Variants in KMT2A observed in about 807,000 individuals in gnomAD.
The protein encoded by KMT2A is histone-lysine N-methyltransferase 2A.
Under a neutral mutation model 345.3 loss-of-function variants are expected in KMT2A, and 16 were observed. The observed-to-expected ratio is 0.05, with a 90% CI of 0.03 to 0.07. The LOEUF (loss-of-function observed/expected upper bound fraction) is 0.07, where lower values mean the gene tolerates loss of function less well. Ranked by LOEUF, KMT2A falls within the 10% of genes least tolerant of loss-of-function variation. The probability of loss-of-function intolerance (pLI) is 1.00; values close to 1 mark genes in which losing one functional copy is unlikely to be tolerated. For synonymous variants in KMT2A, 1,599 were observed against 1,778.6 expected (o/e 0.90, Z 2.54); for missense variants, 3,272 against 4,841.6 (o/e 0.68, Z 9.62).
intron 6 of KMT2A, among the ~76,000 whole-genome samples, chr11:118,481,397 T>C (rs181076880): frequency 6.6e-6 from 1 of 152,346 alleles, no homozygotes; most frequent in East Asian, 1.9e-4. Flanking sequence ...TAATGTCCTC[T>C]AGTTCCATCC....
chr11:118,465,951 T>C (rs1555034020), intron 1 of KMT2A, among the ~76,000 whole-genome samples: 1 of 152,228 alleles, frequency 6.6e-6, no homozygotes, highest in African/African-American at 2.4e-5. Context: ...AGCCTACAAG[T>C]GTAAACCCTG....
Position 118,482,752 on chromosome 11 carries a change from CA to C in KMT2A, c.4086+271del, listed in dbSNP as rs59972810. Among the ~76,000 whole-genome samples the C allele has an allele frequency of 0.1, 11,859 of 115,216 alleles. 646 individuals carry two copies. The highest frequency in any genetic ancestry group is 0.18 in the African/African-American group (5,834 of 32,174). The allele number at this position is 115,216 out of a possible 152,430, so 75.6% of individuals were successfully genotyped here. On this transcript the variant is annotated intron_variant, in intron 8 of 35. Coordinates refer to ENST00000534358, the MANE Select transcript of KMT2A (RefSeq NM_001197104.2). ...TAGCAAGACCCTGTCTTTATTTAAA[CA>C]AAAAAAAAAAAAAGAAGAAGAAGAA... is the stretch of plus-strand genomic sequence containing the variant.
chr11:118,476,758 T>A lies in KMT2A; in HGVS notation c.3157-47T>A, dbSNP rs782678769. 1.3e-6 allele frequency: 2 copies of A among 1,526,196 alleles called. No homozygotes were observed. The highest frequency in any genetic ancestry group is 1.8e-6 in the Non-Finnish European group (2 of 1,118,456). The allele number at this position is 1,526,196 out of a possible 1,614,324, so 94.5% of individuals were successfully genotyped here. A position where few individuals can be genotyped will look rare whatever the true frequency, so the allele number is the denominator to read the frequency against. ...ATACCTTGGCTTCGTTCAGTTATAA[T>A]TTCAACATGTATGGTTGTTATTGTT... On this transcript the variant is annotated intron_variant, in intron 3 of 35. Coordinates refer to ENST00000534358, the MANE Select transcript of KMT2A (RefSeq NM_001197104.2). The surrounding 1 kb of genome is among the most constrained non-coding windows in gnomAD (Gnocchi z 4.1).
chr11:118,463,365 T>C (rs1298941935), intron 1 of KMT2A, among the ~76,000 whole-genome samples: 18 of 152,226 alleles, frequency 1.2e-4, no homozygotes, highest in Admixed American at 1.2e-3. Context: ...ATTTGGAACA[T>C]AAAATGCGTG....
chr11:118,514,924 C>T (rs782238472), intron 31 of KMT2A, among the ~76,000 whole-genome samples: 15 of 151,466 alleles, frequency 9.9e-5, no homozygotes, highest in African/African-American at 1.5e-4. Flanking sequence ...TGAGCCACCA[C>T]GCCCGGCCTA....
chr11:118,495,622 A>G lies in KMT2A; in HGVS notation c.5364-78A>G, dbSNP rs1383985704. The G allele has an allele frequency of 8.9e-7, 1 of 1,117,940 alleles. No individual in the cohort carries two copies. The highest frequency in any genetic ancestry group is 1.3e-6 in the Non-Finnish European group (1 of 797,428). The allele number at this position is 1,117,940 out of a possible 1,614,324, so 69.3% of individuals were successfully genotyped here. On this transcript the variant is annotated intron_variant, in intron 18 of 35. Coordinates refer to ENST00000534358, the MANE Select transcript of KMT2A (RefSeq NM_001197104.2). The surrounding 1 kb of genome is among the most constrained non-coding windows in gnomAD (Gnocchi z 4.1). ...TGGCTCCTACATGGGGCAACAGGTG[A>G]TATCAAGAATTTATTTTATACAGTT...
chr11:118,498,444 C>T lies in KMT2A; in HGVS notation c.5877C>T (p.Phe1959=), dbSNP rs2134366964. The change falls in exon 22 of 36, where the codon TTC becomes TTT. Residue 1959 remains phenylalanine, a synonymous_variant. Coordinates refer to ENST00000534358, the MANE Select transcript of KMT2A (RefSeq NM_001197104.2). This position sits in a 1 kb window ranked among gnomAD's most constrained non-coding sequence, Gnocchi z 4.4. ...CLTSCTSNYH[F]MCSRAKNCVF... is the part of the protein sequence containing the mutation. ...CATCCTGCACCAGCAACTATCACTT[C>T]ATGTGTTCCCGAGCCAAGAACTGTG... is the stretch of plus-strand genomic sequence containing the variant. The T allele has an allele frequency of 6.2e-7, 1 of 1,613,588 alleles. No individual in the cohort carries two copies. Among genetic ancestry groups the T allele is most frequent in the Non-Finnish European group, 8.5e-7 (1 of 1,179,970 alleles).
chr11:118,507,810 A>G (rs1197961235), intron 28 of KMT2A: 1 of 490,826 alleles, frequency 2.0e-6, no homozygotes, highest in Non-Finnish European at 3.7e-6. Flanking sequence ...AAATACAAAA[A>G]GAATTAGCCG....
Position 118,506,664 on chromosome 11 carries a change from T to C in KMT2A, c.10754+18T>C, listed in dbSNP as rs1481463796. 1.3e-6 allele frequency: 2 copies of C among 1,562,408 alleles called. No individual in the cohort carries two copies. Among genetic ancestry groups the C allele is most frequent in the Admixed American group, 1.9e-5 (1 of 53,852 alleles). ...GGCACAGGGTGAGAGATCCAAATAC[T>C]AGCTAGGCTGGGTCTGTGGGATTTC... On this transcript the variant is annotated intron_variant, in intron 27 of 35. Transcript: ENST00000534358.
chr11:118,468,220 A>T (rs1949881714), intron 1 of KMT2A, among the ~76,000 whole-genome samples: 1 of 152,180 alleles, frequency 6.6e-6, no homozygotes, highest in African/African-American at 2.4e-5. Flanking sequence ...CATAAAATGC[A>T]TGTTGAGACT....
chr11:118,499,441 T>C lies in KMT2A; in HGVS notation c.6079+21T>C, dbSNP rs782567761. The C allele has an allele frequency of 1.6e-5, 23 of 1,409,098 alleles. No homozygotes were observed. In the South Asian group the frequency reaches 2.5e-4, roughly 15 times the overall value. 87.3% of individuals were successfully genotyped at this position (1,409,098 alleles called of 1,614,324 possible). Reference sequence around the variant, plus strand: ...GATTGGTATGACCTAGCCTTGGTTATTGGGGAAGGCTGTATATATCATTGG... The same window carrying C: ...GATTGGTATGACCTAGCCTTGGTTACTGGGGAAGGCTGTATATATCATTGG... On this transcript the variant is annotated intron_variant, in intron 23 of 35. Transcript: ENST00000534358.
chr11:118,471,850 G>A lies in KMT2A; in HGVS notation c.691G>A (p.Val231Ile). The A allele has an allele frequency of 1.2e-6, 2 of 1,612,156 alleles. No homozygotes were observed. The highest frequency in any genetic ancestry group is 1.7e-6 in the Non-Finnish European group (2 of 1,179,520). Reference sequence around the variant, plus strand: ...AGGAAGACCTCCCACCTTCCCTGGAGTAAAAATCAAAATAACACATGGAAA... The same window carrying A: ...AGGAAGACCTCCCACCTTCCCTGGAATAAAAATCAAAATAACACATGGAAA... ...KRGRPPTFPG[V>I]KIKITHGKDI... Residue 231 changes from valine to isoleucine, a missense_variant, in exon 3 of 36, where the codon GTA becomes ATA. Transcript: ENST00000534358.
chr11:118,484,358 CTT>C lies in KMT2A; in HGVS notation c.4218+46_4218+47del, dbSNP rs782099153. 5 of 1,595,392 alleles carry C rather than the reference CTT, an allele frequency of 3.1e-6. No individual in the cohort carries two copies. The East Asian group carries it at 1.1e-4, about 36-fold the overall frequency. ...CATAAAGTATATTGAGTGTCAAAGA[CTT>C]TAAATAAAGAAAATGCTACTACCAA... On this transcript the variant is annotated intron_variant, in intron 9 of 35. Transcript: ENST00000534358. This position sits in a 1 kb window ranked among gnomAD's most constrained non-coding sequence, Gnocchi z 4.1.
intron 1 of KMT2A, among the ~76,000 whole-genome samples, chr11:118,462,622 G>C (rs966408159): frequency 6.6e-6 from 1 of 152,076 alleles, no homozygotes; most frequent in Admixed American, 6.5e-5. Flanking sequence ...GCAGTGGTGC[G>C]ATCTCGGCTC....
Position 118,437,332 on chromosome 11 carries a change from C to G in KMT2A, c.432+388C>G, listed in dbSNP as rs1473433228. On this transcript the variant is annotated intron_variant, in intron 1 of 35. Transcript: ENST00000534358. ...ACCTGATCCCGCCACATCCCCGCCTCCCTCTCTGGGCAGATGTGTTACTCC... is the reference window on the plus strand; with the variant it reads ...ACCTGATCCCGCCACATCCCCGCCTGCCTCTCTGGGCAGATGTGTTACTCC... Among the ~76,000 whole-genome samples the G allele has an allele frequency of 4.6e-5, 7 of 152,200 alleles. No homozygotes were observed. The East Asian group carries it at 5.8e-4, about 13-fold the overall frequency.
intron 1 of KMT2A, among the ~76,000 whole-genome samples, chr11:118,456,124 C>G (rs370652587): frequency 6.6e-6 from 1 of 152,144 alleles, no homozygotes; most frequent in African/African-American, 2.4e-5. Flanking sequence ...ATGTGAGCCA[C>G]TGCACCTGGC....
In KMT2A at chr11:118,503,016, T is replaced by G. The variant is rs1555046385; in HGVS notation, c.7124T>G (p.Leu2375Trp). 1 of 1,613,930 alleles carries G rather than the reference T, an allele frequency of 6.2e-7. No homozygotes were observed. Among genetic ancestry groups the G allele is most frequent in the East Asian group, 2.2e-5 (1 of 44,884 alleles). ...GCCCTCTCCTTCCCACACCTCCATT[T>G]GAGAGGGCAAAGGAATGATCGAGAC... ...KEALSFPHLH[L>W]RGQRNDRDQH... The change falls in exon 27 of 36, where the codon TTG becomes TGG. Residue 2375 changes from leucine (L) to tryptophan (W), a missense_variant. Leu to Trp is a moderately conservative substitution (Grantham distance 61). Coordinates refer to ENST00000534358, the MANE Select transcript of KMT2A (RefSeq NM_001197104.2). This position sits in a 1 kb window ranked among gnomAD's most constrained non-coding sequence, Gnocchi z 5.3.
intron 5 of KMT2A, 128 bp from the exon 6 acceptor site, chr11:118,480,046 C>T: frequency 1.4e-6 from 1 of 713,068 alleles, no homozygotes; most frequent in Non-Finnish European, 2.4e-6. Context: ...ATGAGCAGTC[C>T]TTTTTTCAAC....
In KMT2A at chr11:118,510,216, G is replaced by A; in HGVS notation, c.11071+98G>A. On this transcript the variant is annotated intron_variant, in intron 30 of 35. Transcript: ENST00000534358. The surrounding 1 kb of genome is among the most constrained non-coding windows in gnomAD (Gnocchi z 4.1). ...AGCACCATTTAGGTGGCTGTTTTAT[G>A]CTAGATGGTAGGGGGATACCTGGAG... 5 of 955,244 alleles carry A rather than the reference G, an allele frequency of 5.2e-6. No homozygotes were observed. Among genetic ancestry groups the A allele is most frequent in the African/African-American group, 1.7e-5 (1 of 60,322 alleles). The allele number at this position is 955,244 out of a possible 1,614,324, so 59.2% of individuals were successfully genotyped here.
Sources: gnomAD v4.1 joint callset for allele counts (sites outside exome capture counted in the v4.1 genomes callset) on GRCh38, gnomAD v4.1.1 for gene constraint, Gnocchi (gnomAD v3.1) non-coding constraint, MANE v1.5 for transcripts, NCBI Gene and HGNC (gene_info 2026-07-23, HGNC 2026-07-21) for gene names.